The following ZP2 variants were observed in gnomAD, a reference collection of about 807,000 sequenced individuals.
ZP2 encodes zona pellucida glycoprotein 2.
ZP2 carries 51 observed loss-of-function variants against 84.0 expected under a neutral mutation model. The observed-to-expected ratio is 0.61, with a 90% CI of 0.49 to 0.77. ZP2 has a LOEUF of 0.77. Ranked by LOEUF, ZP2 falls within the 30% of genes least tolerant of loss-of-function variation. The pLI is 0.00. For synonymous variants in ZP2, 375 were observed against 330.9 expected (o/e 1.13, Z -1.45); for missense variants, 909 against 911.9 (o/e 1.00, Z 0.04).
intron 9 of ZP2, 174 bp downstream of exon 9, chr16:21,203,856 A>T: frequency 1.5e-6 from 1 of 658,556 alleles, no homozygotes; most frequent in Non-Finnish European, 2.6e-6. Flanking sequence ...AATGAACTTT[A>T]GTTACTTGAT....
intron 4 of ZP2, among the ~76,000 whole-genome samples, chr16:21,207,956 A>T (rs1428086720): frequency 6.6e-6 from 1 of 152,186 alleles, no homozygotes; most frequent in South Asian, 2.1e-4. Context: ...ACAGTGGTTC[A>T]TGCCTATAAT....
intron 10 of ZP2, 80 bp from the exon 11 acceptor site, chr16:21,202,371 G>T: frequency 7.8e-7 from 1 of 1,286,178 alleles, no homozygotes; most frequent in African/African-American, 1.5e-5. Flanking sequence ...TATGCTACGA[G>T]GGAGAAATTC....
chr16:21,211,669 C>T (rs1164273403), upstream of ZP2: 3 of 1,579,054 alleles, frequency 1.9e-6, no homozygotes, highest in Non-Finnish European at 2.6e-6. Flanking sequence ...TCCCATTCTC[C>T]CAGCTGAAAC....
upstream of ZP2, among the ~76,000 whole-genome samples, chr16:21,213,136 C>G (rs556281980): frequency 1.7e-4 from 26 of 152,300 alleles, no homozygotes; most frequent in African/African-American, 5.3e-4. Flanking sequence ...CCTCTGCCTC[C>G]TGGATTCAAG....
chr16:21,208,157 C>T (rs988219118), intron 4 of ZP2, among the ~76,000 whole-genome samples: 1 of 152,174 alleles, frequency 6.6e-6, no homozygotes, highest in African/African-American at 2.4e-5. Flanking sequence ...TTCTAGGCTG[C>T]AGTGAGCCAT....
chr16:21,213,196 C>T (rs146391504), upstream of ZP2, among the ~76,000 whole-genome samples: 31 of 152,136 alleles, frequency 2.0e-4, no homozygotes, highest in Non-Finnish European at 4.6e-4. Flanking sequence ...AGGCGCCCAC[C>T]ACCAAGCCCA....
intron 4 of ZP2, among the ~76,000 whole-genome samples, chr16:21,208,115 G>A (rs1393102197): frequency 6.6e-6 from 1 of 152,134 alleles, no homozygotes; most frequent in African/African-American, 2.4e-5. Flanking sequence ...TAGTTGGGAG[G>A]CTGAGACGGG....
intron 13 of ZP2, 67 bp downstream of exon 13, chr16:21,201,639 T>C: frequency 6.2e-7 from 1 of 1,611,990 alleles, no homozygotes; most frequent in South Asian, 1.1e-5. Context: ...TCTGGCAGTA[T>C]CAGGATGTTC....
intron 10 of ZP2, among the ~76,000 whole-genome samples, chr16:21,202,805 G>C (rs920671476): frequency 2.6e-5 from 4 of 151,944 alleles, no homozygotes; most frequent in African/African-American, 9.7e-5. Flanking sequence ...TAGGAATTTT[G>C]GGGTGGGGGG....
intron 4 of ZP2, among the ~76,000 whole-genome samples, chr16:21,207,304 A>G (rs1267845298): frequency 1.3e-5 from 2 of 152,048 alleles, no homozygotes; most frequent in Non-Finnish European, 2.9e-5. Context: ...TTATCTGAAT[A>G]CTTGTTAAGC....
At chr16:21,198,307 A>G (rs565616228) in intron 17 of ZP2, among the ~76,000 whole-genome samples, 9 of 152,264 alleles carry the variant, frequency 5.9e-5, no homozygotes, top group Admixed American at 5.2e-4. Flanking sequence ...AGGCAGGAGA[A>G]TCACTTGAAC....
chr16:21,209,721 A>G lies in ZP2; in HGVS notation c.240T>C (p.Pro80=). The change falls in exon 4 of 19, where the codon CCT becomes CCC. Residue 80 remains proline, a synonymous_variant. Transcript: ENST00000574091. ...TKKWHASVVD[P]LGLDMPNCTY... is the part of the protein sequence containing the mutation. ...TGCAGTTCGGCATGTCGAGACCAAG[A>G]GGATCTGCCAAGGCCAGAGCAGGTT... is the stretch of plus-strand genomic sequence containing the variant. 5 of 1,614,132 alleles carry G rather than the reference A, an allele frequency of 3.1e-6. No homozygotes were observed. The highest frequency in any genetic ancestry group is 4.2e-6 in the Non-Finnish European group (5 of 1,179,976).
intron 9 of ZP2, 113 bp downstream of exon 9, chr16:21,203,917 T>TTA: frequency 8.7e-7 from 1 of 1,145,542 alleles, no homozygotes; most frequent in African/African-American, 1.5e-5. Flanking sequence ...TTTGAATCTG[T>TTA]TATGTTGGCA....
At chr16:21,199,105 C>T (rs1424656915) in intron 16 of ZP2, among the ~76,000 whole-genome samples, 1 of 151,970 alleles carries the variant, frequency 6.6e-6, no homozygotes, top group Admixed American at 6.6e-5. Context: ...CACCTGAGGT[C>T]AGGAGATTGA....
intron 16 of ZP2, among the ~76,000 whole-genome samples, chr16:21,199,280 A>C (rs1219629716): frequency 7.4e-6 from 1 of 135,784 alleles, no homozygotes; most frequent in East Asian, 2.2e-4. Flanking sequence ...AGATCACACC[A>C]TCTTACTCCA....
upstream of ZP2, among the ~76,000 whole-genome samples, chr16:21,213,182 T>A (rs1271478548): frequency 6.6e-6 from 1 of 152,028 alleles, no homozygotes; most frequent in African/African-American, 2.4e-5. Context: ...GTAGCTGGGA[T>A]TACAGGCGCC....
In ZP2 at chr16:21,197,452, A is replaced by G. The variant is rs376654783; in HGVS notation, c.*28T>C. On this transcript the variant is annotated 3_prime_UTR_variant, in exon 19 of 19. Coordinates refer to ENST00000574091, the MANE Select transcript of ZP2 (RefSeq NM_001376232.1). ...TAAGAATGTGGAAGGCAAGAGGCTT[A>G]TTTTGACTGCTTTATTTAGAAGCCC... 66 of 1,613,210 alleles carry G rather than the reference A, an allele frequency of 4.1e-5. No homozygotes were observed. Among genetic ancestry groups the G allele is most frequent in the Non-Finnish European group, 5.2e-5 (61 of 1,179,432 alleles).
intron 17 of ZP2, 49 bp from the exon 18 acceptor site, chr16:21,197,898 T>C (rs768415483): frequency 9.5e-6 from 15 of 1,571,938 alleles, no homozygotes; most frequent in Non-Finnish European, 1.2e-5. Context: ...CTAGTCGATG[T>C]GGTTAGCTGT....
intron 17 of ZP2, 120 bp from the exon 18 acceptor site, chr16:21,197,969 T>TA (rs1287216456): frequency 6.6e-6 from 6 of 912,924 alleles, no homozygotes; most frequent in Non-Finnish European, 1.1e-5. Context: ...GGGTATGTGT[T>TA]AACAGGCACA....
Sources: gnomAD v4.1 joint callset for allele counts (sites outside exome capture counted in the v4.1 genomes callset) on GRCh38, gnomAD v4.1.1 for gene constraint, MANE v1.5 for transcripts, NCBI Gene and HGNC (gene_info 2026-07-23, HGNC 2026-07-21) for gene names.